RABGAP1L: variants seen among roughly 807,000 people sequenced by gnomAD.
The protein encoded by RABGAP1L is RAB GTPase activating protein 1 like.
RABGAP1L carries 63 observed loss-of-function variants against 137.7 expected under a neutral mutation model. The observed-to-expected ratio is 0.46, with a 90% CI of 0.37 to 0.56. The LOEUF (loss-of-function observed/expected upper bound fraction) is 0.56, where lower values mean the gene tolerates loss of function less well. RABGAP1L is among the 20% of genes least tolerant of loss of function. The probability of loss-of-function intolerance (pLI) is 0.00; values close to 1 mark genes in which losing one functional copy is unlikely to be tolerated. For synonymous variants in RABGAP1L, 431 were observed against 433.7 expected, an observed-to-expected ratio of 0.99 and a Z score of 0.08; for missense variants, 1,095 against 1,244.0, an observed-to-expected ratio of 0.88 and a Z score of 1.80.
At chr1:174,454,696 C>G (rs894151821) in intron 13 of RABGAP1L, among the ~76,000 whole-genome samples, 1 of 151,534 alleles carries the variant, frequency 6.6e-6, no homozygotes, top group Non-Finnish European at 1.5e-5. Context: ...ACTACAGGCG[C>G]CCACCAGCAC....
At chr1:174,625,561 G>T (rs933657574) in intron 13 of RABGAP1L, among the ~76,000 whole-genome samples, 1 of 152,212 alleles carries the variant, frequency 6.6e-6, no homozygotes, top group Non-Finnish European at 1.5e-5. Context: ...GCCTACCAAG[G>T]TGCTGGGATT....
intron 19 of RABGAP1L, among the ~76,000 whole-genome samples, chr1:174,873,581 T>C (rs1272313393): frequency 6.6e-6 from 1 of 151,676 alleles, no homozygotes; most frequent in Non-Finnish European, 1.5e-5. Context: ...TGGCACAATC[T>C]TGGCTCACTG....
At chr1:174,877,678 A>G in intron 19 of RABGAP1L, 1 of 1,459,280 alleles carries the variant, frequency 6.9e-7, no homozygotes. Context: ...TCCTGTAGCA[A>G]CTGAGGCATA....
intron 13 of RABGAP1L, among the ~76,000 whole-genome samples, chr1:174,577,801 G>A (rs1044338303): frequency 1.3e-5 from 2 of 152,158 alleles, no homozygotes; most frequent in Admixed American, 6.5e-5. Context: ...AAATGTTGAT[G>A]GCTGGTATGC....
intron 17 of RABGAP1L, among the ~76,000 whole-genome samples, chr1:174,704,014 T>C (rs1173467397): frequency 6.6e-6 from 1 of 152,208 alleles, no homozygotes; most frequent in Non-Finnish European, 1.5e-5. Context: ...CTTTCTCTTT[T>C]TGAGATGTAG....
At position 174,741,051 on chromosome 1, in the gene RABGAP1L, T is replaced by G. The variant is rs906277022; in HGVS notation, c.2170-11262T>G. On this transcript the variant is annotated intron_variant, in intron 17 of 25. Transcript: ENST00000681986. ...CTGTTGATTTTTTTGTTTTGTTTTTTTTTTTTTGTGTGTGGGAGCTTTTTA... is the reference window on the plus strand; with the variant it reads ...CTGTTGATTTTTTTGTTTTGTTTTTGTTTTTTTGTGTGTGGGAGCTTTTTA... Among the ~76,000 whole-genome samples the G allele has an allele frequency of 7.1e-5, 10 of 141,004 alleles. No homozygotes were observed. The Admixed American group carries it at 7.1e-4, about 10-fold the overall frequency. 92.5% of individuals were successfully genotyped at this position (141,004 alleles called of 152,430 possible).
chr1:174,585,323 C>CT (rs1245309824), intron 13 of RABGAP1L, among the ~76,000 whole-genome samples: 1 of 151,976 alleles, frequency 6.6e-6, no homozygotes, highest in Non-Finnish European at 1.5e-5. Context: ...TTAGGACCCC[C>CT]CACCCAAAGA....
intron 13 of RABGAP1L, among the ~76,000 whole-genome samples, chr1:174,469,266 T>C (rs1483442161): frequency 6.6e-6 from 1 of 152,184 alleles, no homozygotes; most frequent in African/African-American, 2.4e-5. Context: ...GGAAATTATT[T>C]TGGTTATCAA....
intron 19 of RABGAP1L, among the ~76,000 whole-genome samples, chr1:174,934,779 A>T (rs1405056538): frequency 6.6e-6 from 1 of 152,176 alleles, no homozygotes; most frequent in East Asian, 1.9e-4. Flanking sequence ...CACCAGAGTG[A>T]TACCCTATCT....
chr1:174,972,243 T>C (rs1051766277), intron 21 of RABGAP1L, among the ~76,000 whole-genome samples: 1 of 152,230 alleles, frequency 6.6e-6, no homozygotes, highest in African/African-American at 2.4e-5. Context: ...CCTCTCACCA[T>C]AGCAAGTTCT....
intron 13 of RABGAP1L, among the ~76,000 whole-genome samples, chr1:174,429,613 C>A (rs937430494): frequency 6.6e-6 from 1 of 152,040 alleles, no homozygotes; most frequent in South Asian, 2.1e-4. Flanking sequence ...GTGGTGGGCA[C>A]CTGTAATCCC....
intron 13 of RABGAP1L, among the ~76,000 whole-genome samples, chr1:174,636,754 A>G (rs1028317736): frequency 2.6e-5 from 4 of 152,188 alleles, no homozygotes; most frequent in Non-Finnish European, 4.4e-5. Flanking sequence ...ATGTATTGGA[A>G]TGACAGTTCT....
At chr1:174,509,560 G>A (rs1662145342) in intron 13 of RABGAP1L, among the ~76,000 whole-genome samples, 1 of 151,928 alleles carries the variant, frequency 6.6e-6, no homozygotes, top group Non-Finnish European at 1.5e-5. Context: ...ATCTTTCAAT[G>A]AGTTGTCTCA....
intron 13 of RABGAP1L, among the ~76,000 whole-genome samples, chr1:174,554,299 T>G (rs2147996422): frequency 6.6e-6 from 1 of 152,316 alleles, no homozygotes; most frequent in African/African-American, 2.4e-5. Flanking sequence ...GATTTTCTAT[T>G]TTTTAGAGTG....
chr1:174,239,898 T>G (rs1299271777), intron 4 of RABGAP1L, among the ~76,000 whole-genome samples: 1 of 152,240 alleles, frequency 6.6e-6, no homozygotes, highest in African/African-American at 2.4e-5. Flanking sequence ...AAACTTTTGC[T>G]AAATTCCAAG....
At chr1:174,393,850 C>G (rs1225296686) in intron 12 of RABGAP1L, 145 bp from the exon 13 acceptor site, 12 of 713,458 alleles carry the variant, frequency 1.7e-5, no homozygotes, top group Non-Finnish European at 2.6e-5. Flanking sequence ...TGAGCTTAAG[C>G]AGTACTATTG....
intron 11 of RABGAP1L, among the ~76,000 whole-genome samples, chr1:174,355,060 C>T (rs1308859791): frequency 6.6e-6 from 1 of 152,078 alleles, no homozygotes; most frequent in Non-Finnish European, 1.5e-5. Context: ...TGTGGTGATT[C>T]CTCAGGGATC....
chr1:174,542,337 G>A (rs1004624368), intron 13 of RABGAP1L, among the ~76,000 whole-genome samples: 17 of 152,088 alleles, frequency 1.1e-4, no homozygotes, highest in Non-Finnish European at 2.5e-4. Flanking sequence ...TGTATGTGTC[G>A]AGGAATTTAT....
chr1:174,422,110 G>A (rs1028452707), intron 13 of RABGAP1L, among the ~76,000 whole-genome samples: 2 of 152,118 alleles, frequency 1.3e-5, no homozygotes, highest in Admixed American at 6.6e-5. Context: ...GGTTTCATAG[G>A]CATGTGACCT....
Sources: gnomAD v4.1 joint callset for allele counts (sites outside exome capture counted in the v4.1 genomes callset) on GRCh38, gnomAD v4.1.1 for gene constraint, MANE v1.5 for transcripts, NCBI Gene and HGNC (gene_info 2026-07-23, HGNC 2026-07-21) for gene names.